GALK2: variants seen among roughly 807,000 people sequenced by gnomAD.
GALK2 encodes galactokinase 2, also known as N-acetylgalactosamine kinase.
GALK2 carries 36 observed loss-of-function variants against 52.4 expected under a neutral mutation model. That is an observed-to-expected ratio of 0.69 (90% CI 0.53 to 0.91). The LOEUF is 0.91. GALK2 is among the 40% of genes least tolerant of loss of function. GALK2 has a pLI of 0.00. For synonymous variants in GALK2, 176 were observed against 199.1 expected (o/e 0.88, Z 0.98); for missense variants, 579 against 559.1 (o/e 1.04, Z -0.36).
At chr15:49,357,989 C>T (rs376269484) in intron 3 of GALK2, among the ~76,000 whole-genome samples, 1 of 152,148 alleles carries the variant, frequency 6.6e-6, no homozygotes, top group Non-Finnish European at 1.5e-5. Context: ...ACAAAAACCA[C>T]ATGATTATCT....
intron 5 of GALK2, among the ~76,000 whole-genome samples, chr15:49,264,507 T>C (rs1480330090): frequency 6.6e-6 from 1 of 152,246 alleles, no homozygotes; most frequent in Non-Finnish European, 1.5e-5. Context: ...TCTTTGCCTT[T>C]GGTTTGAATG....
In GALK2 at chr15:49,367,661, A is replaced by C. The variant is rs573084831; in HGVS notation, c.*125A>C. 118 of 1,462,638 alleles carry C rather than the reference A, an allele frequency of 8.1e-5. 1 individual carries two copies. The African/African-American group carries it at 1.6e-3, about 20-fold the overall frequency. 90.6% of individuals were successfully genotyped at this position (1,462,638 alleles called of 1,614,324 possible). On this transcript the variant is annotated 3_prime_UTR_variant, in exon 4 of 4. Transcript: ENST00000558399. ...AACGATTACTTTTGTGTTTCTAAAA[A>C]ACTGTGAATAAAATATAACTTCATA... is the stretch of plus-strand genomic sequence containing the variant.
intron 3 of GALK2, among the ~76,000 whole-genome samples, chr15:49,346,639 C>CT (rs1225629808): frequency 1.3e-5 from 2 of 152,132 alleles, no homozygotes; most frequent in Non-Finnish European, 2.9e-5. Context: ...GCTTTGCTGT[C>CT]TATCTTGTAT....
At chr15:49,227,910 T>G (rs757825604) in intron 3 of GALK2, among the ~76,000 whole-genome samples, 7 of 152,184 alleles carry the variant, frequency 4.6e-5, no homozygotes, top group Non-Finnish European at 8.8e-5. Flanking sequence ...GTTCAGCCCA[T>G]TCATGATAAA....
At chr15:49,348,019 CAAAAAAAAAAA>C in intron 3 of GALK2, among the ~76,000 whole-genome samples, 1 of 70,092 alleles carries the variant, frequency 1.4e-5, no homozygotes, top group South Asian at 5.9e-4. Flanking sequence ...AACTCTGTCT[CAAAAAAAAAAA>C]AAAAAAAAAA....
intron 2 of GALK2, among the ~76,000 whole-genome samples, chr15:49,213,474 T>G (rs1031017124): frequency 2.0e-5 from 3 of 152,178 alleles, no homozygotes; most frequent in Admixed American, 2.0e-4. Flanking sequence ...AAGCCCCGCA[T>G]GCATTAGCTA....
chr15:49,208,278 G>T (rs771893314), intron 2 of GALK2, among the ~76,000 whole-genome samples: 1 of 152,154 alleles, frequency 6.6e-6, no homozygotes, highest in Admixed American at 6.5e-5. Context: ...ACTTTTTGAT[G>T]TAGGTGTTTA....
intron 3 of GALK2, chr15:49,365,005 T>C (rs944931292): frequency 2.0e-5 from 9 of 453,560 alleles, no homozygotes; most frequent in African/African-American, 1.4e-4. Flanking sequence ...CTCATAAAAA[T>C]ATATATTTGC....
At chr15:49,365,624 A>C in intron 3 of GALK2, 1 of 1,108,980 alleles carries the variant, frequency 9.0e-7, no homozygotes, top group Non-Finnish European at 1.4e-6. Flanking sequence ...ATGAAAACAA[A>C]AAATACATCA....
intron 8 of GALK2, among the ~76,000 whole-genome samples, chr15:49,299,753 TTCTTTCTTTC>T (rs2034880063): frequency 7.1e-6 from 1 of 141,366 alleles, no homozygotes; most frequent in Non-Finnish European, 1.5e-5. Context: ...CTTTCTTTCT[TTCTTTCTTTC>T]TTTCTTTCTT....
At chr15:49,157,539 C>A (rs1478140333) in intron 1 of GALK2, among the ~76,000 whole-genome samples, 1 of 152,026 alleles carries the variant, frequency 6.6e-6, no homozygotes, top group African/African-American at 2.4e-5. Context: ...AGTCCCATGG[C>A]CTTCAGAGAG....
At chr15:49,170,132 A>G, upstream of GALK2, 1 of 1,320,588 alleles carries the variant, frequency 7.6e-7, no homozygotes, top group Non-Finnish European at 1.0e-6. Flanking sequence ...ACCCTGGCTG[A>G]GTCCAGGGAG....
intron 5 of GALK2, among the ~76,000 whole-genome samples, chr15:49,241,542 T>C (rs75201598): frequency 0.06 from 9,181 of 152,248 alleles, 548 homozygotes; most frequent in African/African-American, 0.15. Flanking sequence ...GAAGTATCCA[T>C]TGAATATCAC....
At chr15:49,226,167 G>C (rs1024880390) in intron 3 of GALK2, among the ~76,000 whole-genome samples, 1 of 152,096 alleles carries the variant, frequency 6.6e-6, no homozygotes, top group African/African-American at 2.4e-5. Context: ...ATATAGGCTG[G>C]AGTACTTTTA....
intron 2 of GALK2, among the ~76,000 whole-genome samples, chr15:49,203,475 T>G (rs927845878): frequency 2.3e-4 from 35 of 152,394 alleles, no homozygotes; most frequent in African/African-American, 7.9e-4. Flanking sequence ...TTCAACAGGT[T>G]GTCTCTTCAC....
chr15:49,253,555 A>C (rs2141583086), intron 5 of GALK2, among the ~76,000 whole-genome samples: 1 of 144,310 alleles, frequency 6.9e-6, no homozygotes, highest in East Asian at 1.9e-4. Context: ...TAAGACATAC[A>C]CTTTTGAATC....
At chr15:49,183,594 AG>A (rs1320881108) in intron 1 of GALK2, among the ~76,000 whole-genome samples, 2 of 152,228 alleles carry the variant, frequency 1.3e-5, no homozygotes, top group African/African-American at 2.4e-5. Flanking sequence ...CTGTAATCCC[AG>A]CACTTTGGGA....
intron 1 of GALK2, chr15:49,177,838 G>T (rs1315728986): frequency 7.5e-6 from 2 of 266,804 alleles, no homozygotes; most frequent in Non-Finnish European, 1.5e-5. Context: ...CATTTTGTAT[G>T]TTGAATCTTC....
intron 3 of GALK2, among the ~76,000 whole-genome samples, chr15:49,231,335 C>CA (rs1420627102): frequency 1.3e-5 from 2 of 152,114 alleles, no homozygotes; most frequent in Non-Finnish European, 2.9e-5. Context: ...AGAAGAGTAC[C>CA]AAAGGGGGAA....
Sources: gnomAD v4.1 joint callset for allele counts (sites outside exome capture counted in the v4.1 genomes callset) on GRCh38, gnomAD v4.1.1 for gene constraint, MANE v1.5 for transcripts, NCBI Gene and HGNC (gene_info 2026-07-23, HGNC 2026-07-21) for gene names.